ARL15: variants seen among roughly 807,000 people sequenced by gnomAD.
ARL15 encodes ADP-ribosylation factor-like protein 15.
Under a neutral mutation model 25.2 loss-of-function variants are expected in ARL15, and 19 were observed. That is an observed-to-expected ratio of 0.75 (90% CI 0.53 to 1.10). The LOEUF (loss-of-function observed/expected upper bound fraction) is 1.10. Among genes scored for constraint, ARL15 ranks in the 50% least tolerant of loss-of-function variants. The pLI, the probability that ARL15 is intolerant of heterozygous loss-of-function variation, is 0.00. For missense variants in ARL15, 220 were observed against 246.0 expected (o/e 0.89, Z 0.71); for synonymous variants, 94 against 86.8 (o/e 1.08, Z -0.46).
At position 54,288,138 on chromosome 5, in the gene ARL15, G is replaced by A. The variant is rs191015819; in HGVS notation, c.48+22294C>T. Among the ~76,000 whole-genome samples, 287 of 152,342 alleles carry A rather than the reference G, an allele frequency of 1.9e-3. 1 individual carries two copies. The highest frequency in any genetic ancestry group is 6.5e-3 in the African/African-American group (269 of 41,582). The stretch of plus-strand genomic sequence containing the variant: ...AACAACCCTGCTAATAACCCCAGGA[G>A]AAGTAGACCCAGAGAGAAATCAGTA... On this transcript the variant is annotated intron_variant, in intron 1 of 4. Coordinates refer to ENST00000504924, the MANE Select transcript of ARL15 (RefSeq NM_019087.3).
intron 3 of ARL15, among the ~76,000 whole-genome samples, chr5:54,131,902 C>CA (rs1389160017): frequency 0.044 from 4,760 of 108,864 alleles, 241 homozygotes; most frequent in African/African-American, 0.14. Context: ...GACTCCGTCT[C>CA]AAAAAAAAAA....
At chr5:53,999,135 T>C (rs1352947093) in intron 4 of ARL15, among the ~76,000 whole-genome samples, 2 of 151,904 alleles carry the variant, frequency 1.3e-5, no homozygotes, top group Non-Finnish European at 2.9e-5. Flanking sequence ...GAGAAGGCTG[T>C]AGGACCAACA....
At chr5:54,240,941 A>C (rs1201162207) in intron 1 of ARL15, among the ~76,000 whole-genome samples, 1 of 152,168 alleles carries the variant, frequency 6.6e-6, no homozygotes. Context: ...TTCTGATCCC[A>C]CGCATTTCAG....
intron 4 of ARL15, among the ~76,000 whole-genome samples, chr5:54,090,950 C>A (rs1376930578): frequency 7.7e-6 from 1 of 129,664 alleles, no homozygotes; most frequent in African/African-American, 2.5e-5. Context: ...TGTTTTATGG[C>A]TGAAAGGAAT....
intron 1 of ARL15, among the ~76,000 whole-genome samples, chr5:54,279,911 C>G (rs1398045816): frequency 1.3e-5 from 2 of 152,240 alleles, no homozygotes; most frequent in Non-Finnish European, 2.9e-5. Flanking sequence ...AGAAGCACAA[C>G]TAACTGCCGG....
At chr5:54,112,873 TGAA>T (rs776955352) in intron 4 of ARL15, among the ~76,000 whole-genome samples, 5 of 152,098 alleles carry the variant, frequency 3.3e-5, no homozygotes, top group Non-Finnish European at 7.4e-5. Context: ...CTAGAAAAGC[TGAA>T]GAAGAGAATG....
At chr5:54,226,375 T>C (rs1440615502) in intron 1 of ARL15, among the ~76,000 whole-genome samples, 1 of 152,166 alleles carries the variant, frequency 6.6e-6, no homozygotes, top group Non-Finnish European at 1.5e-5. Context: ...CTTGAATCCT[T>C]AGAAATGAGG....
rs1346957878 is a variant in ARL15 at position 54,102,578 on chromosome 5, T to C, written c.462+10624A>G. The stretch of plus-strand genomic sequence containing the variant: ...TCCCTCTAATGATTATTCAGTCTTC[T>C]CTTCAATGAAATATGCTAACGCCTG... On this transcript the variant is annotated intron_variant, in intron 4 of 4. Transcript: ENST00000504924. Among the ~76,000 whole-genome samples the C allele has an allele frequency of 3.3e-5, 5 of 152,158 alleles. No individual in the cohort carries two copies. The East Asian group carries it at 9.7e-4, about 29-fold the overall frequency.
intron 1 of ARL15, among the ~76,000 whole-genome samples, chr5:54,215,569 C>G (rs1248692127): frequency 7.0e-6 from 1 of 143,634 alleles, no homozygotes; most frequent in Non-Finnish European, 1.5e-5. Flanking sequence ...TTTCCTAAGT[C>G]TTCAGCGAAG....
At chr5:54,127,976 C>A (rs948852368) in intron 3 of ARL15, among the ~76,000 whole-genome samples, 1 of 150,050 alleles carries the variant, frequency 6.7e-6, no homozygotes, top group Non-Finnish European at 1.5e-5. Flanking sequence ...ATGTAGCAAG[C>A]TGAAACTGGA....
chr5:54,108,774 A>G (rs1418477599), intron 4 of ARL15, among the ~76,000 whole-genome samples: 3 of 152,028 alleles, frequency 2.0e-5, no homozygotes, highest in Non-Finnish European at 2.9e-5. Flanking sequence ...AAGGAAAAAA[A>G]GTACACAAGG....
chr5:54,000,617 T>A (rs146104312), intron 4 of ARL15, among the ~76,000 whole-genome samples: 4 of 152,314 alleles, frequency 2.6e-5, no homozygotes, highest in Admixed American at 2.6e-4. Context: ...GCGGTACATA[T>A]AGTATCACTA....
rs1041706803 is a variant in ARL15 at position 53,959,960 on chromosome 5, C to A, written c.463-73247G>T. On this transcript the variant is annotated intron_variant, in intron 4 of 4. Coordinates refer to ENST00000504924, the MANE Select transcript of ARL15 (RefSeq NM_019087.3). ...CCTGATCACTGCTGCATCTGTTGTG[C>A]CTGGAGCAGTGTCTGACATATAGTA... Among the ~76,000 whole-genome samples the A allele has an allele frequency of 2.6e-5, 4 of 151,922 alleles. 1 individual carries two copies. The South Asian group carries it at 6.2e-4, about 24-fold the overall frequency.
intron 1 of ARL15, among the ~76,000 whole-genome samples, chr5:54,240,684 G>A (rs953008789): frequency 6.6e-6 from 1 of 152,086 alleles, no homozygotes; most frequent in Non-Finnish European, 1.5e-5. Context: ...ACTGGCCTTC[G>A]CAATAAGGAC....
chr5:54,162,304 T>C (rs1388576521), intron 2 of ARL15, among the ~76,000 whole-genome samples: 1 of 152,136 alleles, frequency 6.6e-6, no homozygotes, highest in Non-Finnish European at 1.5e-5. Flanking sequence ...CATTACTTCC[T>C]GCCTCCCATG....
At chr5:53,958,067 A>C (rs1219294536) in intron 4 of ARL15, among the ~76,000 whole-genome samples, 4 of 151,544 alleles carry the variant, frequency 2.6e-5, no homozygotes, top group Non-Finnish European at 5.9e-5. Flanking sequence ...AAAATTAACC[A>C]GGCACGGTGG....
intron 4 of ARL15, among the ~76,000 whole-genome samples, chr5:53,954,991 T>C (rs1747100353): frequency 6.6e-6 from 1 of 152,074 alleles, no homozygotes; most frequent in East Asian, 1.9e-4. Flanking sequence ...TCTATACTTC[T>C]TCCAGCACTG....
At chr5:54,105,213 C>A (rs1752552646) in intron 4 of ARL15, among the ~76,000 whole-genome samples, 1 of 151,708 alleles carries the variant, frequency 6.6e-6, no homozygotes, top group Non-Finnish European at 1.5e-5. Context: ...TTCTCTTTTG[C>A]AAATAAAAAA....
intron 4 of ARL15, among the ~76,000 whole-genome samples, chr5:54,084,236 T>A (rs1490469418): frequency 1.3e-5 from 2 of 152,124 alleles, no homozygotes; most frequent in Admixed American, 1.3e-4. Context: ...AGAAGGGGTC[T>A]AGAAGGCCTT....
Sources: allele counts gnomAD v4.1 joint callset (sites outside exome capture counted in the v4.1 genomes callset), GRCh38; gene constraint gnomAD v4.1.1; transcripts MANE v1.5; gene names NCBI Gene and HGNC (gene_info 2026-07-23, HGNC 2026-07-21).